The following MYT1L variants were observed in gnomAD, a reference collection of about 807,000 sequenced individuals.
MYT1L encodes the protein myelin transcription factor 1-like protein.
A neutral mutation model predicts 126.7 loss-of-function variants in MYT1L; 12 were observed. The observed-to-expected ratio is 0.09, with a 90% CI of 0.06 to 0.15. The LOEUF is 0.15. Ranked by LOEUF, MYT1L falls within the 10% of genes least tolerant of loss-of-function variation. The pLI, the probability that MYT1L is intolerant of heterozygous loss-of-function variation, is 1.00. For missense variants in MYT1L, 979 were observed against 1,585.2 expected, an observed-to-expected ratio of 0.62 and a Z score of 6.49; for synonymous variants, 541 against 604.2, an observed-to-expected ratio of 0.90 and a Z score of 1.53.
chr2:1,921,658 T>G (rs2053583273), intron 10 of MYT1L, among the ~76,000 whole-genome samples: 1 of 152,224 alleles, frequency 6.6e-6, no homozygotes, highest in African/African-American at 2.4e-5. Flanking sequence ...TTGCTATTGA[T>G]CTTAGCTGAG....
chr2:1,864,522 C>T (rs376454004), intron 18 of MYT1L, among the ~76,000 whole-genome samples: 7 of 152,320 alleles, frequency 4.6e-5, no homozygotes, highest in African/African-American at 1.7e-4. Context: ...GTTTGCTGGA[C>T]ACTCCCCAGG....
intron 2 of MYT1L, among the ~76,000 whole-genome samples, chr2:2,198,354 A>G (rs2092917171): frequency 6.6e-6 from 1 of 152,226 alleles, no homozygotes; most frequent in Non-Finnish European, 1.5e-5. Flanking sequence ...TCTATTACAC[A>G]GTAGGATAAC....
intron 2 of MYT1L, among the ~76,000 whole-genome samples, chr2:2,245,643 G>A (rs1239252422): frequency 1.3e-5 from 2 of 151,644 alleles, no homozygotes; most frequent in African/African-American, 4.8e-5. Flanking sequence ...CCAAGCTCAT[G>A]TCTTGGAGTA....
intron 19 of MYT1L, among the ~76,000 whole-genome samples, chr2:1,846,909 A>G (rs986799020): frequency 6.6e-6 from 1 of 152,140 alleles, no homozygotes. Context: ...GAGACTCTCC[A>G]AGGCAGACTT....
intron 14 of MYT1L, among the ~76,000 whole-genome samples, chr2:1,902,381 G>A (rs1399241430): frequency 1.3e-5 from 2 of 152,328 alleles, no homozygotes; most frequent in South Asian, 2.1e-4. Flanking sequence ...CGGCTCTGCC[G>A]GCAGCACCCC....
chr2:2,250,121 G>A (rs2094607817), intron 2 of MYT1L, among the ~76,000 whole-genome samples: 1 of 151,914 alleles, frequency 6.6e-6, no homozygotes, highest in Admixed American at 6.6e-5. Context: ...GAAAGTTTCT[G>A]AAAAAAATAA....
chr2:2,151,205 C>A (rs2085732492), intron 3 of MYT1L, among the ~76,000 whole-genome samples: 1 of 152,180 alleles, frequency 6.6e-6, no homozygotes, highest in Non-Finnish European at 1.5e-5. Context: ...GCCTAAAACA[C>A]TGCAGCTTAA....
At chr2:2,004,079 A>G (rs546224532) in intron 4 of MYT1L, among the ~76,000 whole-genome samples, 2 of 143,688 alleles carry the variant, frequency 1.4e-5, no homozygotes, top group African/African-American at 2.7e-5. Flanking sequence ...TCTTTCCTGC[A>G]TATGTTCTTT....
chr2:2,278,249 T>C (rs2095395845), intron 2 of MYT1L, among the ~76,000 whole-genome samples: 1 of 152,114 alleles, frequency 6.6e-6, no homozygotes, highest in Admixed American at 6.5e-5. Flanking sequence ...TTCCAAGAGG[T>C]CCAGGCTACT....
At chr2:2,190,293 C>CA (rs1332637698) in intron 2 of MYT1L, among the ~76,000 whole-genome samples, 1 of 151,932 alleles carries the variant, frequency 6.6e-6, no homozygotes, top group Admixed American at 6.6e-5. Context: ...CCTGTCTCTA[C>CA]AAAAAATACA....
intron 4 of MYT1L, among the ~76,000 whole-genome samples, chr2:2,011,035 C>T (rs2063771604): frequency 6.6e-6 from 1 of 152,154 alleles, no homozygotes; most frequent in Non-Finnish European, 1.5e-5. Context: ...GTCCCTATCT[C>T]ACACTGTGTA....
chr2:2,096,832 C>T (rs1183664392), intron 3 of MYT1L, among the ~76,000 whole-genome samples: 5 of 152,172 alleles, frequency 3.3e-5, no homozygotes, highest in South Asian at 4.1e-4. Flanking sequence ...AAAAGTCTGC[C>T]GTGTCCATTT....
chr2:2,082,846 C>T (rs1031884270), intron 3 of MYT1L, among the ~76,000 whole-genome samples: 1 of 152,136 alleles, frequency 6.6e-6, no homozygotes, highest in African/African-American at 2.4e-5. Context: ...CACCATAGCC[C>T]ACCTCCCTAA....
chr2:1,796,246 G>A (rs2033473064), intron 23 of MYT1L, among the ~76,000 whole-genome samples: 1 of 152,184 alleles, frequency 6.6e-6, no homozygotes, highest in African/African-American at 2.4e-5. Context: ...CCCTGGTCTA[G>A]ACTAAGTACC....
intron 4 of MYT1L, among the ~76,000 whole-genome samples, chr2:2,032,000 G>A (rs539968104): frequency 7.1e-6 from 1 of 141,364 alleles, no homozygotes; most frequent in Non-Finnish European, 1.5e-5. Context: ...CTGTGGCCGA[G>A]AGCAGATTCT....
At chr2:2,026,518 C>T (rs1380345833) in intron 4 of MYT1L, among the ~76,000 whole-genome samples, 1 of 152,220 alleles carries the variant, frequency 6.6e-6, no homozygotes, top group Non-Finnish European at 1.5e-5. Context: ...ACAATAGCAG[C>T]CAACCAGCTA....
chr2:2,098,482 G>A (rs2077692439), intron 3 of MYT1L, among the ~76,000 whole-genome samples: 1 of 152,162 alleles, frequency 6.6e-6, no homozygotes, highest in Non-Finnish European at 1.5e-5. Flanking sequence ...CATGAGTTTG[G>A]CTGTTTTCTA....
intron 21 of MYT1L, among the ~76,000 whole-genome samples, chr2:1,823,650 G>A (rs568093930): frequency 6.7e-6 from 1 of 150,368 alleles, no homozygotes; most frequent in African/African-American, 2.4e-5. Context: ...CTCCTGGGAG[G>A]AGCAGCGATG....
intron 3 of MYT1L, among the ~76,000 whole-genome samples, chr2:2,144,459 T>C (rs529757338): frequency 5.9e-5 from 9 of 152,224 alleles, no homozygotes; most frequent in African/African-American, 9.6e-5. Flanking sequence ...CAGTAACTTA[T>C]TGTTCCTTGT....
Sources: gnomAD v4.1 joint callset for allele counts (sites outside exome capture counted in the v4.1 genomes callset) on GRCh38, gnomAD v4.1.1 for gene constraint, MANE v1.5 for transcripts, NCBI Gene and HGNC (gene_info 2026-07-23, HGNC 2026-07-21) for gene names.